The following UMAD1 variants were observed in gnomAD, a reference collection of about 807,000 sequenced individuals.
UMAD1 encodes the protein UBAP1-MVB12-associated (UMA) domain containing 1.
In UMAD1, 8 loss-of-function variants were observed where a neutral mutation model predicts 6.1. The observed-to-expected ratio is 1.30, with a 90% CI of 0.76 to 2.35. UMAD1 has a LOEUF of 2.35. UMAD1 is among the 30% of genes most tolerant of loss of function. The pLI is 0.00. For synonymous variants in UMAD1, 56 were observed against 31.4 expected, an observed-to-expected ratio of 1.78 and a Z score of -2.61; for missense variants, 130 against 78.4, an observed-to-expected ratio of 1.66 and a Z score of -2.49.
intron 2 of UMAD1, among the ~76,000 whole-genome samples, chr7:7,796,345 A>G (rs1583831403): frequency 7.5e-6 from 1 of 133,170 alleles, no homozygotes; most frequent in African/African-American, 2.8e-5. Context: ...TCCGCCTCCC[A>G]GGTTCAAGTG....
intron 2 of UMAD1, among the ~76,000 whole-genome samples, chr7:7,674,087 C>T (rs982748060): frequency 1.3e-5 from 2 of 152,190 alleles, no homozygotes; most frequent in Non-Finnish European, 2.9e-5. Flanking sequence ...ATGCTCTTCC[C>T]AGAAATTCTC....
chr7:7,704,861 T>A (rs972839221), intron 2 of UMAD1, among the ~76,000 whole-genome samples: 2 of 149,992 alleles, frequency 1.3e-5, no homozygotes, highest in Admixed American at 1.3e-4. Flanking sequence ...GGGTCATCAA[T>A]TGAAAAAAAA....
chr7:7,860,379 A>T, intron 3 of UMAD1, among the ~76,000 whole-genome samples: 1 of 152,188 alleles, frequency 6.6e-6, no homozygotes, highest in African/African-American at 2.4e-5. Context: ...ATTGTCTTCC[A>T]TCTACTTAAA....
At chr7:7,661,931 C>G (rs1785484741) in intron 1 of UMAD1, among the ~76,000 whole-genome samples, 4 of 152,174 alleles carry the variant, frequency 2.6e-5, no homozygotes, top group Admixed American at 2.6e-4. Context: ...CCGAGGTGCT[C>G]TGTCCCTGGG....
intron 3 of UMAD1, among the ~76,000 whole-genome samples, chr7:7,839,768 A>C (rs1316916798): frequency 1.3e-5 from 2 of 152,186 alleles, no homozygotes; most frequent in Non-Finnish European, 2.9e-5. Context: ...GGATTGGGGA[A>C]GAATATATGT....
At chr7:7,804,151 G>T (rs1203234580) in intron 3 of UMAD1, among the ~76,000 whole-genome samples, 1 of 152,128 alleles carries the variant, frequency 6.6e-6, no homozygotes, top group African/African-American at 2.4e-5. Flanking sequence ...GCAAGTACCG[G>T]CTGGGCAATG....
chr7:7,865,071 C>A (rs141851520), intron 3 of UMAD1, among the ~76,000 whole-genome samples: 44 of 152,288 alleles, frequency 2.9e-4, no homozygotes, highest in Middle Eastern at 3.4e-3. Flanking sequence ...TTTGACTGTT[C>A]ATGAGGGTAT....
chr7:7,776,851 A>G (rs1782218155), intron 2 of UMAD1, among the ~76,000 whole-genome samples: 1 of 152,196 alleles, frequency 6.6e-6, no homozygotes, highest in Admixed American at 6.5e-5. Context: ...ATGAAAAGTA[A>G]TACACTGAAA....
chr7:7,777,441 G>A (rs1474790478), intron 2 of UMAD1, among the ~76,000 whole-genome samples: 1 of 150,028 alleles, frequency 6.7e-6, no homozygotes, highest in Non-Finnish European at 1.5e-5. Flanking sequence ...GGGAGGTGGT[G>A]GTTGCAGTGA....
At chr7:7,645,597 A>T (rs1282861312) in intron 1 of UMAD1, among the ~76,000 whole-genome samples, 1 of 152,182 alleles carries the variant, frequency 6.6e-6, no homozygotes, top group Non-Finnish European at 1.5e-5. Context: ...ATTTCTGTTT[A>T]TTAGATTAAG....
At chr7:7,671,020 G>A (rs1779592414) in intron 1 of UMAD1, among the ~76,000 whole-genome samples, 1 of 152,136 alleles carries the variant, frequency 6.6e-6, no homozygotes, top group South Asian at 2.1e-4. Context: ...ACGGAAATGG[G>A]CACTGGGCCT....
In UMAD1 at chr7:7,878,914, T is replaced by A. The variant is rs972473824; in HGVS notation, c.*1376T>A. On this transcript the variant is annotated 3_prime_UTR_variant, in exon 4 of 4. Coordinates refer to ENST00000682710, the MANE Select transcript of UMAD1 (RefSeq NM_001302348.2). Reference sequence around the variant, plus strand: ...TGATTAAATTAGATCTTTACATAGTTCTTACAAAGCATCAGTCTAGGAAAT... The same window carrying A: ...TGATTAAATTAGATCTTTACATAGTACTTACAAAGCATCAGTCTAGGAAAT... 4.6e-5 allele frequency: 7 copies of A among 152,216 alleles called. No individual in the cohort carries two copies. The highest frequency in any genetic ancestry group is 1.7e-4 in the African/African-American group (7 of 41,456). The allele number at this position is 152,216 out of a possible 1,614,324, so 9.4% of individuals were successfully genotyped here.
intron 2 of UMAD1, among the ~76,000 whole-genome samples, chr7:7,784,827 T>G (rs1782429051): frequency 1.4e-5 from 2 of 139,828 alleles, no homozygotes; most frequent in South Asian, 2.4e-4. Context: ...AGTGGCGCGA[T>G]CTCGGCTCGC....
At chr7:7,675,807 G>C (rs189372084) in intron 2 of UMAD1, among the ~76,000 whole-genome samples, 1 of 152,290 alleles carries the variant, frequency 6.6e-6, no homozygotes, top group South Asian at 2.1e-4. Flanking sequence ...AGTGCAGCTG[G>C]TGCTGTACCT....
intron 2 of UMAD1, among the ~76,000 whole-genome samples, chr7:7,677,928 C>T (rs966860830): frequency 2.0e-5 from 3 of 151,888 alleles, no homozygotes; most frequent in Admixed American, 2.0e-4. Context: ...CCGCCTCGGC[C>T]TCCCAAAGTG....
intron 3 of UMAD1, among the ~76,000 whole-genome samples, chr7:7,842,724 G>GA (rs1783706659): frequency 6.6e-6 from 1 of 151,904 alleles, no homozygotes. Context: ...GTATTCTTCA[G>GA]AATATTGGTC....
intron 3 of UMAD1, among the ~76,000 whole-genome samples, chr7:7,847,092 AAAAAAAAAAAAAATATATATATATATAT>A (rs1479164720): frequency 4.8e-4 from 14 of 29,248 alleles, no homozygotes; most frequent in African/African-American, 3.0e-3. Flanking sequence ...CAATGCAAAA[AAAAAAAAAAAAAATATATATATATATAT>A]ATATATATAT....
At chr7:7,815,605 A>C (rs1277547786) in intron 3 of UMAD1, among the ~76,000 whole-genome samples, 1 of 152,192 alleles carries the variant, frequency 6.6e-6, no homozygotes, top group Non-Finnish European at 1.5e-5. Flanking sequence ...TTGCAGCTCC[A>C]GCCATCATAT....
At chr7:7,659,091 G>A (rs567532222) in intron 1 of UMAD1, among the ~76,000 whole-genome samples, 39 of 152,230 alleles carry the variant, frequency 2.6e-4, no homozygotes, top group Non-Finnish European at 4.3e-4. Flanking sequence ...GTTTATTTGC[G>A]TAGCTTGTTT....
Sources: gnomAD v4.1 joint callset for allele counts (sites outside exome capture counted in the v4.1 genomes callset) on GRCh38, gnomAD v4.1.1 for gene constraint, MANE v1.5 for transcripts, NCBI Gene and HGNC (gene_info 2026-07-23, HGNC 2026-07-21) for gene names.